Variants in ARMCX4 observed in about 807,000 individuals in gnomAD.
The protein encoded by ARMCX4 is armadillo repeat containing X-linked 4.
ARMCX4 carries 3 observed loss-of-function variants against 34.7 expected under a neutral mutation model. The ratio of observed to expected loss-of-function variants is 0.09; its 90% CI spans 0.04 to 0.22. The LOEUF is 0.22. Among genes scored for constraint, ARMCX4 ranks in the 10% least tolerant of loss-of-function variants. The pLI, the probability that ARMCX4 is intolerant of heterozygous loss-of-function variation, is 1.00. For missense variants in ARMCX4, 1,448 were observed against 1,720.8 expected (o/e 0.84, Z 2.81); for synonymous variants, 513 against 632.8 (o/e 0.81, Z 2.84).
downstream of ARMCX4, among the ~76,000 whole-genome samples, chrX:101,452,867 T>TTTATTATTATTA (rs10634734): frequency 0.15 from 15,002 of 101,988 alleles, 1,067 homozygotes; most frequent in Non-Finnish European, 0.2. Flanking sequence ...GGCTGTTTGT[T>TTTATTATTATTA]TTATTATTAT....
chrX:101,456,374 G>C (rs782378735), intron 4 of ARMCX4, among the ~76,000 whole-genome samples: 14 of 111,452 alleles, frequency 1.3e-4, no homozygotes, highest in Non-Finnish European at 2.6e-4. Context: ...ACTGGTATGA[G>C]ATGGTATTTT....
chrX:101,482,437 G>A (rs1052839452), upstream of ARMCX4, among the ~76,000 whole-genome samples: 7 of 110,446 alleles, frequency 6.3e-5, no homozygotes, highest in Non-Finnish European at 1.3e-4. Context: ...CGCCATTGCC[G>A]GTCTGGAGAG....
At chrX:101,434,365 A>C (rs1930545282) in intron 2 of ARMCX4, among the ~76,000 whole-genome samples, 1 of 107,517 alleles carries the variant, frequency 9.3e-6, no homozygotes, top group Admixed American at 1.0e-4. Flanking sequence ...CTCCTGCCTC[A>C]GCCTCCCGAG....
At chrX:101,436,047 C>A (rs1930737637) in intron 2 of ARMCX4, among the ~76,000 whole-genome samples, 1 of 111,436 alleles carries the variant, frequency 9.0e-6, no homozygotes, top group African/African-American at 3.3e-5. Flanking sequence ...GTTACTGTAG[C>A]CTTGTAGCAT....
chrX:101,521,543 T>C (rs1267391506), intron 11 of ARMCX4, among the ~76,000 whole-genome samples: 1 of 110,539 alleles, frequency 9.0e-6, no homozygotes, highest in Admixed American at 9.7e-5. Flanking sequence ...TATTTTTCTA[T>C]TCTGTTTCAT....
intron 12 of ARMCX4, chrX:101,532,952 A>C (rs1374794104): frequency 9.0e-6 from 1 of 111,016 alleles, no homozygotes; most frequent in African/African-American, 3.3e-5. Flanking sequence ...TGTTGGGAGA[A>C]TAGAATAACA....
chrX:101,498,176 A>T (rs1934221681), downstream of ARMCX4: 1 of 328,547 alleles, frequency 3.0e-6, no homozygotes, highest in African/African-American at 2.7e-5. Context: ...CCTAGTAAAA[A>T]CGCTTCATGC....
In ARMCX4 at chrX:101,494,441, G is replaced by T. The variant is rs782480134; in HGVS notation, c.5852G>T (p.Cys1951Phe). The change falls in exon 6 of 6, where the codon TGT (cysteine) becomes TTT (phenylalanine). Residue 1951 changes from cysteine to phenylalanine, a missense_variant. Coordinates refer to ENST00000423738, the MANE Select transcript of ARMCX4 (RefSeq NM_001256155.3). ...GGAGTTGATATAGGGTCTTGGTTCT[G>T]TGCTGGTAATGAAAACACAAGTGAG... ...AGGVDIGSWF[C>F]AGNENTSEDK... 20 of 1,153,881 alleles carry T rather than the reference G, an allele frequency of 1.7e-5. No homozygotes were observed. The South Asian group carries it at 3.6e-4, about 21-fold the overall frequency.
At chrX:101,479,237 A>G (rs1020363349) in intron 4 of ARMCX4, among the ~76,000 whole-genome samples, 4 of 108,475 alleles carry the variant, frequency 3.7e-5, no homozygotes, top group Non-Finnish European at 7.6e-5. Context: ...CATTCACAAT[A>G]TTAACAAAAA....
chrX:101,494,595 A>G lies in ARMCX4; in HGVS notation c.6006A>G (p.Ala2002=). Residue 2002 remains alanine, a synonymous_variant, in exon 6 of 6, where the codon GCA becomes GCG. Coordinates refer to ENST00000423738, the MANE Select transcript of ARMCX4 (RefSeq NM_001256155.3). ...GAMIWSETKF[A]HQSEASFPVE... is the part of the protein sequence containing the mutation. ...TGATCTGGTCGGAAACTAAGTTTGC[A>G]CACCAAAGTGAGGCCAGCTTCCCAG... 8.7e-7 allele frequency: 1 copy of G among 1,155,758 alleles called. No homozygotes were observed. Among genetic ancestry groups the G allele is most frequent in the South Asian group, 1.9e-5 (1 of 52,742 alleles).
chrX:101,438,732 C>G (rs1347437413), intron 2 of ARMCX4, among the ~76,000 whole-genome samples: 1 of 111,662 alleles, frequency 9.0e-6, no homozygotes, highest in Admixed American at 9.5e-5. Context: ...TAATGGCCTT[C>G]TTTGTCTCTT....
rs782267651 is a variant in ARMCX4 at position 101,476,331 on chromosome X, G to A, written c.-472-9692G>A. Among the ~76,000 whole-genome samples the A allele has an allele frequency of 5.5e-5, 6 of 108,860 alleles. No individual in the cohort carries two copies. The South Asian group carries it at 2.4e-3, about 43-fold the overall frequency. 94.5% of individuals were successfully genotyped at this position (108,860 alleles called of 115,157 possible). On this transcript the variant is annotated intron_variant and NMD_transcript_variant, in intron 4 of 15. Transcript: ENST00000433011. The stretch of plus-strand genomic sequence containing the variant: ...AGTAAATGAATAAGTGATAAGTCCT[G>A]TAATGATTTCACATTGCATACCTGT...
intron 7 of ARMCX4, among the ~76,000 whole-genome samples, chrX:101,501,980 C>T (rs1434912614): frequency 2.7e-5 from 3 of 112,260 alleles, no homozygotes; most frequent in African/African-American, 9.7e-5. Context: ...TTTGGAAGTC[C>T]CTATGGGAAA....
intron 4 of ARMCX4, among the ~76,000 whole-genome samples, chrX:101,478,229 T>C (rs1189898379): frequency 8.0e-5 from 9 of 112,219 alleles, no homozygotes; most frequent in African/African-American, 2.9e-4. Context: ...TAAATGTCTT[T>C]TGAGAAAATC....
At chrX:101,418,916 G>C (rs1929067547) in exon 2 of ARMCX4, 1 of 109,275 alleles carries the variant, frequency 9.2e-6, no homozygotes, top group Non-Finnish European at 1.9e-5. Context: ...CTAGAAACTC[G>C]CATTGTCTAC....
intron 2 of ARMCX4, among the ~76,000 whole-genome samples, chrX:101,422,889 A>C (rs1482068989): frequency 2.3e-4 from 26 of 110,892 alleles, no homozygotes; most frequent in Non-Finnish European, 1.1e-4. Flanking sequence ...ATGGCAATTA[A>C]ATTTTTCATT....
chrX:101,529,648 A>G (rs1935073342), intron 11 of ARMCX4, among the ~76,000 whole-genome samples: 1 of 112,093 alleles, frequency 8.9e-6, no homozygotes, highest in Admixed American at 9.4e-5. Context: ...AAAAAATCAA[A>G]CCACCCCACC....
At chrX:101,479,304 C>CCA (rs34549014) in intron 4 of ARMCX4, among the ~76,000 whole-genome samples, 165 of 78,190 alleles carry the variant, frequency 2.1e-3, no homozygotes, top group Non-Finnish European at 2.4e-3. Context: ...ATAAAGAAAA[C>CCA]CACACACACA....
At chrX:101,442,929 G>A (rs1439265255) in intron 2 of ARMCX4, among the ~76,000 whole-genome samples, 4 of 110,317 alleles carry the variant, frequency 3.6e-5, no homozygotes, top group Admixed American at 9.7e-5. Context: ...TCAGGAGATC[G>A]AGACCATCCT....
Sources: allele counts gnomAD v4.1 joint callset (sites outside exome capture counted in the v4.1 genomes callset), GRCh38; gene constraint gnomAD v4.1.1; transcripts MANE v1.5; gene names NCBI Gene and HGNC (gene_info 2026-07-23, HGNC 2026-07-21).